Variants in FAAH2 observed in about 807,000 individuals in gnomAD.
The protein encoded by FAAH2 is fatty-acid amide hydrolase 2.
Under a neutral mutation model 36.9 loss-of-function variants are expected in FAAH2, and 60 were observed. That is an observed-to-expected ratio of 1.63 (90% CI 1.32 to 2.02). The LOEUF (loss-of-function observed/expected upper bound fraction) is 2.02. FAAH2 is among the 30% of genes most tolerant of loss of function. FAAH2 has a pLI of 0.00. For synonymous variants in FAAH2, 214 were observed against 143.8 expected (o/e 1.49, Z -3.49); for missense variants, 689 against 397.5 (o/e 1.73, Z -6.23).
chrX:57,381,907 T>C (rs1319703457), intron 7 of FAAH2, among the ~76,000 whole-genome samples: 1 of 111,434 alleles, frequency 9.0e-6, no homozygotes, highest in Non-Finnish European at 1.9e-5. Flanking sequence ...TATTCCAAAA[T>C]TGACCACATA....
At chrX:57,457,701 A>AC (rs1328941807) in intron 10 of FAAH2, among the ~76,000 whole-genome samples, 3 of 3,381 alleles carry the variant, frequency 8.9e-4, no homozygotes, top group African/African-American at 9.6e-4. Flanking sequence ...CAATAGCCAC[A>AC]AAAAAAAAAA....
At chrX:57,429,211 T>C (rs1432204839) in intron 7 of FAAH2, among the ~76,000 whole-genome samples, 7 of 107,737 alleles carry the variant, frequency 6.5e-5, no homozygotes, top group Non-Finnish European at 1.2e-4. Flanking sequence ...TGGTGGCGGG[T>C]GCCTGTAGTC....
the FAAH2 span, among the ~76,000 whole-genome samples, chrX:57,221,378 C>A: frequency 9.0e-6 from 1 of 111,282 alleles, no homozygotes; most frequent in Non-Finnish European, 1.9e-5. Context: ...GTTTAGGATA[C>A]TTCCACACCC....
chrX:57,180,300 A>G, the FAAH2 span, among the ~76,000 whole-genome samples: 13,520 of 111,295 alleles, frequency 0.12, 1,976 homozygotes, highest in African/African-American at 0.41. Flanking sequence ...ATGAAAAACC[A>G]TTCAAAATAT....
intron 5 of FAAH2, among the ~76,000 whole-genome samples, chrX:57,369,075 C>A (rs757110283): frequency 2.1e-4 from 22 of 106,372 alleles, no homozygotes; most frequent in African/African-American, 6.9e-4. Flanking sequence ...ATTCAACCAA[C>A]GAAATAAATA....
the FAAH2 span, among the ~76,000 whole-genome samples, chrX:57,257,084 A>G: frequency 1.3e-4 from 15 of 112,357 alleles, no homozygotes; most frequent in Admixed American, 1.3e-3. Flanking sequence ...ATGCTTTTAC[A>G]TTGTTGGTGG....
At chrX:57,190,995 A>G in the FAAH2 span, among the ~76,000 whole-genome samples, 3 of 111,630 alleles carry the variant, frequency 2.7e-5, no homozygotes, top group East Asian at 8.5e-4. Context: ...TTCTTTGGGG[A>G]TATAAACCCA....
chrX:57,357,560 A>G (rs1286294190), intron 5 of FAAH2, among the ~76,000 whole-genome samples: 2 of 112,281 alleles, frequency 1.8e-5, no homozygotes, highest in African/African-American at 6.5e-5. Context: ...GGAGACATTT[A>G]TGCAGACAAC....
chrX:57,241,321 T>C, the FAAH2 span, among the ~76,000 whole-genome samples: 1 of 112,040 alleles, frequency 8.9e-6, no homozygotes. Flanking sequence ...CCAAAAGCAA[T>C]TGCAACAAAA....
the FAAH2 span, among the ~76,000 whole-genome samples, chrX:57,274,791 C>A: frequency 9.0e-6 from 1 of 111,661 alleles, no homozygotes; most frequent in Non-Finnish European, 1.9e-5. Context: ...AAACCCACAG[C>A]CAATATCATA....
chrX:57,387,443 C>A (rs917335069), intron 7 of FAAH2, among the ~76,000 whole-genome samples: 1 of 111,092 alleles, frequency 9.0e-6, no homozygotes, highest in African/African-American at 3.3e-5. Flanking sequence ...CCATAGCTAA[C>A]ATATCAGCAA....
intron 10 of FAAH2, among the ~76,000 whole-genome samples, chrX:57,454,107 AC>A (rs2056830256): frequency 1.3e-5 from 1 of 78,889 alleles, no homozygotes; most frequent in Non-Finnish European, 3.1e-5. Context: ...CTTGGCCAGA[AC>A]ACCGAAGAGC....
the FAAH2 span, among the ~76,000 whole-genome samples, chrX:57,209,591 T>G: frequency 9.0e-6 from 1 of 111,411 alleles, no homozygotes; most frequent in Non-Finnish European, 1.9e-5. Flanking sequence ...TTCCCTCTCC[T>G]CAGACAGTGG....
chrX:57,485,275 A>G (rs1470979269), intron 10 of FAAH2, among the ~76,000 whole-genome samples: 1 of 111,411 alleles, frequency 9.0e-6, no homozygotes, highest in African/African-American at 3.3e-5. Context: ...GGGCAAAGTT[A>G]GTGGCAGTGG....
chrX:57,413,495 C>T (rs1282474898), intron 7 of FAAH2, among the ~76,000 whole-genome samples: 3 of 111,656 alleles, frequency 2.7e-5, no homozygotes, highest in African/African-American at 6.5e-5. Context: ...TTCCCCATTG[C>T]TTGTGTCAGG....
chrX:57,449,674 C>A (rs775308828), intron 10 of FAAH2, among the ~76,000 whole-genome samples: 5 of 110,176 alleles, frequency 4.5e-5, no homozygotes, highest in Non-Finnish European at 9.5e-5. Flanking sequence ...TTCCTTGCTT[C>A]CTTCCTTCCT....
At chrX:57,411,232 G>C (rs1449908410) in intron 7 of FAAH2, among the ~76,000 whole-genome samples, 1 of 111,904 alleles carries the variant, frequency 8.9e-6, no homozygotes, top group Non-Finnish European at 1.9e-5. Flanking sequence ...GCGAGACCTG[G>C]TGCTCTGACC....
intron 7 of FAAH2, among the ~76,000 whole-genome samples, chrX:57,420,425 A>C: frequency 9.0e-6 from 1 of 111,587 alleles, no homozygotes; most frequent in Non-Finnish European, 1.9e-5. Context: ...CTCCTTGAAA[A>C]AGTCCTTCAC....
chrX:57,455,867 A>G (rs956792934), intron 10 of FAAH2, among the ~76,000 whole-genome samples: 1 of 112,080 alleles, frequency 8.9e-6, no homozygotes, highest in Non-Finnish European at 1.9e-5. Flanking sequence ...GGATTTTAAC[A>G]TCCCACTCAC....
Sources: gnomAD v4.1 joint callset for allele counts (sites outside exome capture counted in the v4.1 genomes callset) on GRCh38, gnomAD v4.1.1 for gene constraint, MANE v1.5 for transcripts, NCBI Gene and HGNC (gene_info 2026-07-23, HGNC 2026-07-21) for gene names.